The following MMP16 variants were observed in gnomAD, a reference collection of about 807,000 sequenced individuals.
MMP16 encodes the protein matrix metalloproteinase-16.
A neutral mutation model predicts 67.8 loss-of-function variants in MMP16; 12 were observed. The observed-to-expected ratio is 0.18, with a 90% confidence interval of 0.11 to 0.29. MMP16 has a LOEUF of 0.29. Among genes scored for constraint, MMP16 ranks in the 10% least tolerant of loss-of-function variants. The pLI is 1.00. For synonymous variants in MMP16, 249 were observed against 255.9 expected, an observed-to-expected ratio of 0.97 and a Z score of 0.26; for missense variants, 475 against 765.7, an observed-to-expected ratio of 0.62 and a Z score of 4.48.
At chr8:88,065,636 GAAAT>G (rs1385209347) in intron 7 of MMP16, among the ~76,000 whole-genome samples, 8 of 151,866 alleles carry the variant, frequency 5.3e-5, no homozygotes, top group Middle Eastern at 3.4e-3. Context: ...ATCCTATAAA[GAAAT>G]AAATAATCAT....
At chr8:88,098,204 A>C (rs1297548161) in intron 6 of MMP16, among the ~76,000 whole-genome samples, 58 of 152,032 alleles carry the variant, frequency 3.8e-4, no homozygotes, top group Admixed American at 3.7e-3. Context: ...AAGTGTGAGA[A>C]GCTTCCATTG....
At chr8:88,042,639 C>T (rs907884267) in intron 9 of MMP16, among the ~76,000 whole-genome samples, 8 of 152,030 alleles carry the variant, frequency 5.3e-5, no homozygotes, top group Non-Finnish European at 7.4e-5. Flanking sequence ...TTTAATACTT[C>T]CTAGTACCTT....
intron 1 of MMP16, among the ~76,000 whole-genome samples, chr8:88,263,985 A>AGT (rs201685804): frequency 0.04 from 4,200 of 105,228 alleles, 223 homozygotes; most frequent in African/African-American, 0.12. Flanking sequence ...AGAGAGAGAG[A>AGT]GAGTGTGTGT....
intron 8 of MMP16, among the ~76,000 whole-genome samples, chr8:88,052,023 G>A (rs557110988): frequency 5.2e-4 from 79 of 152,166 alleles, no homozygotes; most frequent in African/African-American, 1.3e-3. Flanking sequence ...TTAAAGAACC[G>A]TCATTTCATC....
Position 88,164,082 on chromosome 8 carries a change from T to A in MMP16, c.709+3587A>T, listed in dbSNP as rs74841725. Reference sequence around the variant, plus strand: ...AATGAAGTAAGGGTTACTGGCAGCCTAAGACACTGTTTATCTCTTTTAAGG... The same window carrying A: ...AATGAAGTAAGGGTTACTGGCAGCCAAAGACACTGTTTATCTCTTTTAAGG... On this transcript the variant is annotated intron_variant, in intron 4 of 9. Coordinates refer to ENST00000286614, the MANE Select transcript of MMP16 (RefSeq NM_005941.5). 3.8e-3 allele frequency among the ~76,000 whole-genome samples: 572 copies of A among 152,266 alleles called. 6 individuals carry two copies. Among genetic ancestry groups the A allele is most frequent in the African/African-American group, 0.012 (501 of 41,576 alleles).
At chr8:88,325,621 A>C (rs1303328851) in intron 1 of MMP16, among the ~76,000 whole-genome samples, 1 of 152,334 alleles carries the variant, frequency 6.6e-6, no homozygotes, top group Non-Finnish European at 1.5e-5. Context: ...TGTGGCACGT[A>C]ATTCCAAAAG....
chr8:88,193,944 A>T (rs1284516985), intron 2 of MMP16, among the ~76,000 whole-genome samples: 2 of 151,850 alleles, frequency 1.3e-5, no homozygotes, highest in Non-Finnish European at 2.9e-5. Flanking sequence ...TTCATTAAAG[A>T]ATTTAGGGGA....
chr8:88,241,895 T>C (rs1480545453), intron 1 of MMP16, among the ~76,000 whole-genome samples: 2 of 152,098 alleles, frequency 1.3e-5, no homozygotes, highest in African/African-American at 2.4e-5. Context: ...CATAAATTAT[T>C]AAGTACTATT....
intron 7 of MMP16, among the ~76,000 whole-genome samples, chr8:88,062,164 A>G (rs2118242025): frequency 6.6e-6 from 1 of 152,182 alleles, no homozygotes; most frequent in Middle Eastern, 3.4e-3. Flanking sequence ...TTGTATCTTG[A>G]TGAGTTAAGA....
rs761213572 is a variant in MMP16 at position 88,035,376 on chromosome 8, G to A, written c.*6085C>T. 2 of 152,056 alleles carry A rather than the reference G, an allele frequency of 1.3e-5. No homozygotes were observed. The highest frequency in any genetic ancestry group is 2.9e-5 in the Non-Finnish European group (2 of 67,968). 9.4% of individuals were successfully genotyped at this position (152,056 alleles called of 1,614,324 possible). The stretch of plus-strand genomic sequence containing the variant: ...GCCCTTTAATGTGAGGACACGCTGA[G>A]TGCACATTTGAATATCATCCCCAGT... On this transcript the variant is annotated 3_prime_UTR_variant, in exon 10 of 10. Transcript: ENST00000286614. The surrounding 1 kb of genome is among the most constrained non-coding windows in gnomAD (Gnocchi z 4.7).
chr8:88,151,623 T>C (rs1198725416), intron 4 of MMP16, among the ~76,000 whole-genome samples: 19 of 141,830 alleles, frequency 1.3e-4, no homozygotes, highest in African/African-American at 4.5e-4. Flanking sequence ...ACTGGGTACA[T>C]AACGAAATGA....
intron 1 of MMP16, among the ~76,000 whole-genome samples, chr8:88,255,323 C>G (rs1563575227): frequency 6.6e-6 from 1 of 152,174 alleles, no homozygotes. Flanking sequence ...TGATTGTAAG[C>G]TTCCTGAGGC....
chr8:88,318,725 A>C (rs1378110777), intron 1 of MMP16, among the ~76,000 whole-genome samples: 1 of 152,202 alleles, frequency 6.6e-6, no homozygotes, highest in Non-Finnish European at 1.5e-5. Flanking sequence ...CCAACTCACA[A>C]GATTATGATA....
intron 1 of MMP16, among the ~76,000 whole-genome samples, chr8:88,318,863 G>T (rs1811415252): frequency 1.3e-5 from 2 of 152,102 alleles, no homozygotes; most frequent in Admixed American, 1.3e-4. Context: ...GTATTTCCAT[G>T]TTGCTGGTTA....
intron 4 of MMP16, among the ~76,000 whole-genome samples, chr8:88,141,859 T>C (rs571793343): frequency 4.0e-4 from 61 of 152,174 alleles, no homozygotes; most frequent in Non-Finnish European, 7.4e-4. Flanking sequence ...CAAATAATTA[T>C]GTGACTCTAT....
intron 1 of MMP16, among the ~76,000 whole-genome samples, chr8:88,303,993 C>T (rs1047519685): frequency 1.3e-5 from 2 of 152,138 alleles, no homozygotes; most frequent in Non-Finnish European, 2.9e-5. Flanking sequence ...GTATTAAGAA[C>T]TTCATTGAGC....
At chr8:88,090,284 C>A (rs912689288) in intron 6 of MMP16, among the ~76,000 whole-genome samples, 19 of 151,738 alleles carry the variant, frequency 1.3e-4, no homozygotes, top group African/African-American at 4.6e-4. Flanking sequence ...GTCCTGAAAA[C>A]TTGGTTATTG....
chr8:88,250,406 TTAAA>T (rs1810191597), intron 1 of MMP16, among the ~76,000 whole-genome samples: 1 of 152,084 alleles, frequency 6.6e-6, no homozygotes, highest in African/African-American at 2.4e-5. Flanking sequence ...AATTTCCAAA[TTAAA>T]TAAAGGCCTG....
chr8:88,104,088 A>G (rs1005803940), intron 6 of MMP16, among the ~76,000 whole-genome samples: 6 of 151,790 alleles, frequency 4.0e-5, no homozygotes, highest in African/African-American at 1.4e-4. Context: ...ATCACTTAAT[A>G]TATTACAGTC....
Sources: allele counts gnomAD v4.1 joint callset (sites outside exome capture counted in the v4.1 genomes callset), GRCh38; gene constraint gnomAD v4.1.1; non-coding constraint Gnocchi (gnomAD v3.1); transcripts MANE v1.5; gene names NCBI Gene and HGNC (gene_info 2026-07-23, HGNC 2026-07-21).